The following PALB2 variants were observed in gnomAD, a reference collection of about 807,000 sequenced individuals.
PALB2 encodes partner and localizer of BRCA2.
PALB2 carries 82 observed loss-of-function variants against 107.4 expected under a neutral mutation model. The observed-to-expected ratio is 0.76, with a 90% CI of 0.64 to 0.92. The LOEUF (loss-of-function observed/expected upper bound fraction) is 0.92. PALB2 is among the 40% of genes least tolerant of loss of function. PALB2 has a pLI of 0.00. For missense variants in PALB2, 1,374 were observed against 1,379.9 expected (o/e 1.00, Z 0.07); for synonymous variants, 489 against 496.8 (o/e 0.98, Z 0.21).
In PALB2 at chr16:23,635,098, G is replaced by A. The variant is rs1057520736; in HGVS notation, c.1448C>T (p.Ser483Leu). The A allele has an allele frequency of 4.3e-6, 7 of 1,614,054 alleles. No homozygotes were observed. The highest frequency in any genetic ancestry group is 5.1e-6 in the Non-Finnish European group (6 of 1,180,030). Residue 483 changes from serine to leucine, a missense_variant, in exon 4 of 13, where the codon TCA becomes TTA. Coordinates refer to ENST00000261584, the MANE Select transcript of PALB2 (RefSeq NM_024675.4). The part of the protein sequence containing the change: ...PSSRTSQKLL[S>L]LTKVSSPAGP... ...AGCGGGAGAGCTGACTTTAGTTAAT[G>A]AGAGAAGTTTCTGAGAGGTTCTTGA...
intron 1 of PALB2, chr16:23,640,710 G>A (rs1967207543): frequency 1.1e-5 from 3 of 262,054 alleles, no homozygotes; most frequent in Non-Finnish European, 2.2e-5. Flanking sequence ...ATTCCTTTTT[G>A]GTGGTTAGGG....
chr16:23,607,773 C>A, intron 12 of PALB2, 91 bp downstream of exon 12: 1 of 1,443,086 alleles, frequency 6.9e-7, no homozygotes, highest in African/African-American at 1.4e-5. Flanking sequence ...GTTTTCCATT[C>A]TTCTAAGTGA....
Position 23,630,001 on chromosome 16 carries a change from C to T in PALB2, c.2153G>A (p.Arg718Lys), listed in dbSNP as rs2142379709. 1.9e-6 allele frequency: 3 copies of T among 1,614,052 alleles called. No homozygotes were observed. Among genetic ancestry groups the T allele is most frequent in the Non-Finnish European group, 2.5e-6 (3 of 1,180,006 alleles). Residue 718 changes from arginine to lysine, a missense_variant, in exon 5 of 13, where the codon AGG (arginine) becomes AAG (lysine). Transcript: ENST00000261584. Reference protein sequence around the residue: ...LNTVAPDDNDRPTTDMCSPAF... With the variant: ...LNTVAPDDNDKPTTDMCSPAF... The stretch of plus-strand genomic sequence containing the variant: ...AGGTGAACACATGTCTGTGGTAGGC[C>T]TGTCATTATCATCAGGCGCAACCGT...
chr16:23,634,117 G>A (rs1438752513), intron 4 of PALB2, among the ~76,000 whole-genome samples: 7 of 152,120 alleles, frequency 4.6e-5, no homozygotes, highest in African/African-American at 9.7e-5. Context: ...GTAATATTAC[G>A]TAAACAACCA....
At position 23,629,560 on chromosome 16, in the gene PALB2, C is replaced by A. The variant is rs1001528709; in HGVS notation, c.2514+80G>T. The A allele has an allele frequency of 3.6e-6, 5 of 1,385,950 alleles. No individual in the cohort carries two copies. The Admixed American group carries it at 8.4e-5, about 23-fold the overall frequency. 85.9% of individuals were successfully genotyped at this position (1,385,950 alleles called of 1,614,324 possible). ...ATTCTTAAACGTGGAAGGCCCAATGCGCAAGCAAGTCATGCTGTTTACATT... is the reference window on the plus strand; with the variant it reads ...ATTCTTAAACGTGGAAGGCCCAATGAGCAAGCAAGTCATGCTGTTTACATT... On this transcript the variant is annotated intron_variant, in intron 5 of 12. Coordinates refer to ENST00000261584, the MANE Select transcript of PALB2 (RefSeq NM_024675.4).
chr16:23,628,605 ACT>A (rs2142365330), intron 6 of PALB2, among the ~76,000 whole-genome samples: 1 of 151,954 alleles, frequency 6.6e-6, no homozygotes, highest in East Asian at 1.9e-4. Flanking sequence ...GGCATGAATA[ACT>A]CTCATTTCAC....
chr16:23,609,002 A>G (rs1023094403), intron 11 of PALB2, among the ~76,000 whole-genome samples: 3 of 151,720 alleles, frequency 2.0e-5, no homozygotes, highest in Non-Finnish European at 4.4e-5. Flanking sequence ...TAATTTTTGT[A>G]TTTTTAGTAG....
chr16:23,627,593 C>T (rs1346588022), intron 6 of PALB2, among the ~76,000 whole-genome samples: 1 of 147,558 alleles, frequency 6.8e-6, no homozygotes, highest in Non-Finnish European at 1.5e-5. Flanking sequence ...GAAGTCAGTA[C>T]AAGAACAAAA....
intron 10 of PALB2, among the ~76,000 whole-genome samples, chr16:23,620,467 T>C (rs1292529798): frequency 6.6e-6 from 1 of 152,184 alleles, no homozygotes; most frequent in African/African-American, 2.4e-5. Flanking sequence ...AAAGCCATAA[T>C]AGGAATGTTG....
At position 23,641,185 on chromosome 16, in the gene PALB2, G is replaced by A. The variant is rs2140960653; in HGVS notation, c.-28C>T. ...GGCAGGCGACAGAACGAAAAGAGCA[G>A]CCGTCGCCGACCCCAGGCCTGCCGA... On this transcript the variant is annotated 5_prime_UTR_variant, in exon 1 of 13. Transcript: ENST00000261584. 1 of 1,609,118 alleles carries A rather than the reference G, an allele frequency of 6.2e-7. No individual in the cohort carries two copies. The highest frequency in any genetic ancestry group is 8.5e-7 in the Non-Finnish European group (1 of 1,178,568).
Position 23,635,671 on chromosome 16 carries a change from T to C in PALB2, c.875A>G (p.Gln292Arg), listed in dbSNP as rs1328100544. ...RFTSPVSLEA[Q>R]GKKMTVSTDN... ...TGTAGAGACAGTCATTTTTTTGCCT[T>C]GTGCCTCCAAACTTACAGGTGAAGT... is the stretch of plus-strand genomic sequence containing the variant. The change falls in exon 4 of 13, where the codon CAA becomes CGA. Residue 292 changes from glutamine (Q) to arginine (R), a missense_variant. Physicochemically the swap from Gln to Arg is conservative, Grantham distance 43 (BLOSUM62 1). Transcript: ENST00000261584. 6.2e-7 allele frequency: 1 copy of C among 1,614,144 alleles called. No individual in the cohort carries two copies. The highest frequency in any genetic ancestry group is 8.5e-7 in the Non-Finnish European group (1 of 1,179,982).
At chr16:23,639,501 G>T (rs1967152094) in intron 1 of PALB2, among the ~76,000 whole-genome samples, 2 of 131,362 alleles carry the variant, frequency 1.5e-5, no homozygotes, top group Non-Finnish European at 3.1e-5. Flanking sequence ...CTGGGCAACA[G>T]AGCGAGACTC....
chr16:23,630,251 C>T lies in PALB2; in HGVS notation c.1903G>A (p.Val635Met), dbSNP rs776389696. ...AACATTTTTGACTCAAAGGGCTCCA[C>T]TGGTTTTTCTGAGCAGGACTTCACT... Reference protein sequence around the residue: ...EKVKSCSEKPVEPFESKMFGE... With the variant: ...EKVKSCSEKPMEPFESKMFGE... The change falls in exon 5 of 13, where the codon GTG becomes ATG. Residue 635 changes from valine to methionine, a missense_variant. Coordinates refer to ENST00000261584, the MANE Select transcript of PALB2 (RefSeq NM_024675.4). 6.8e-6 allele frequency: 11 copies of T among 1,614,164 alleles called. No individual in the cohort carries two copies. The highest frequency in any genetic ancestry group is 9.3e-6 in the Non-Finnish European group (11 of 1,180,030).
chr16:23,613,959 G>T, intron 11 of PALB2, 45 bp downstream of exon 11: 1 of 1,433,886 alleles, frequency 7.0e-7, no homozygotes, highest in South Asian at 1.2e-5. Flanking sequence ...CACTTAATGA[G>T]ACCAACAGTA....
intron 9 of PALB2, among the ~76,000 whole-genome samples, chr16:23,622,523 T>C (rs1966790653): frequency 6.6e-6 from 1 of 152,060 alleles, no homozygotes; most frequent in Non-Finnish European, 1.5e-5. Flanking sequence ...GACTCCCTAG[T>C]AGCTGGGACC....
chr16:23,611,078 G>GTCTATCTA (rs201931763), intron 11 of PALB2, among the ~76,000 whole-genome samples: 5,208 of 148,172 alleles, frequency 0.035, 103 homozygotes, highest in South Asian at 0.049. Context: ...TCAACTGTCA[G>GTCTATCTA]TCTATCTATC....
chr16:23,605,996 G>C lies in PALB2; in HGVS notation c.3350+1868C>G, dbSNP rs549522811. The C allele has an allele frequency of 2.0e-5, 3 of 152,296 alleles. No individual in the cohort carries two copies. In the East Asian group the frequency reaches 5.8e-4, roughly 29 times the overall value. The allele number at this position is 152,296 out of a possible 1,614,324, so 9.4% of individuals were successfully genotyped here. On this transcript the variant is annotated intron_variant, in intron 12 of 12. Transcript: ENST00000261584. ...TTGTTGTTTAAAGGCTACCCAGTCTGTGGTATTTTGTTGTAGCAGCCTAAT... is the reference window on the plus strand; with the variant it reads ...TTGTTGTTTAAAGGCTACCCAGTCTCTGGTATTTTGTTGTAGCAGCCTAAT...
intron 1 of PALB2, 23 bp downstream of exon 1, chr16:23,641,087 C>G: frequency 1.2e-6 from 2 of 1,611,990 alleles, no homozygotes; most frequent in Non-Finnish European, 1.7e-6. Flanking sequence ...GTCCTGCGTC[C>G]GCCCTTCCCG....
Position 23,634,800 on chromosome 16 carries a change from G to C in PALB2, c.1684+62C>G, listed in dbSNP as rs993373942. On this transcript the variant is annotated intron_variant, in intron 4 of 12. Coordinates refer to ENST00000261584, the MANE Select transcript of PALB2 (RefSeq NM_024675.4). The stretch of plus-strand genomic sequence containing the variant: ...GAAAAGAAAGAAAAGGAAGTGCCAG[G>C]CAAATAGTAATTGTTAACTTTCATC... The C allele has an allele frequency of 5.1e-6, 8 of 1,555,042 alleles. No homozygotes were observed. In the African/African-American group the frequency reaches 1.1e-4, roughly 21 times the overall value.
Sources: allele counts gnomAD v4.1 joint callset (sites outside exome capture counted in the v4.1 genomes callset), GRCh38; gene constraint gnomAD v4.1.1; transcripts MANE v1.5; gene names NCBI Gene and HGNC (gene_info 2026-07-23, HGNC 2026-07-21).